STX5: variants seen among roughly 807,000 people sequenced by gnomAD.
STX5 encodes syntaxin-5.
STX5 carries 15 observed loss-of-function variants against 42.9 expected under a neutral mutation model. The ratio of observed to expected loss-of-function variants is 0.35; its 90% CI spans 0.23 to 0.54. The LOEUF is 0.54. STX5 is among the 20% of genes least tolerant of loss of function. The pLI is 0.91. For synonymous variants in STX5, 184 were observed against 173.2 expected (o/e 1.06, Z -0.49); for missense variants, 430 against 455.0 (o/e 0.95, Z 0.50).
In STX5 at chr11:62,827,382, G is replaced by A. The variant is rs2084807819; in HGVS notation, c.313C>T (p.Leu105Phe). ...TCCAGCTTGGCAAATGTGTTGCTAAGGTCTTTCCCAATGCGCCTGCAAATG... is the reference window on the plus strand; with the variant it reads ...TCCAGCTTGGCAAATGTGTTGCTAAAGTCTTTCCCAATGCGCCTGCAAATG... ...TLMAKRIGKD[L>F]SNTFAKLEKL... is the part of the protein sequence containing the mutation. The change falls in exon 4 of 11, where the codon CTT becomes TTT. Residue 105 changes from leucine to phenylalanine, a missense_variant. Coordinates refer to ENST00000294179, the MANE Select transcript of STX5 (RefSeq NM_003164.5). 6.2e-7 allele frequency: 1 copy of A among 1,614,180 alleles called. No homozygotes were observed. Among genetic ancestry groups the A allele is most frequent in the South Asian group, 1.1e-5 (1 of 91,082 alleles).
At chr11:62,822,246 C>G (rs2084747945) in intron 10 of STX5, among the ~76,000 whole-genome samples, 1 of 151,744 alleles carries the variant, frequency 6.6e-6, no homozygotes, top group Admixed American at 6.6e-5. Flanking sequence ...ACCTGTGGTC[C>G]CAGGTACTCG....
chr11:62,825,162 C>T (rs780073112), intron 7 of STX5, 45 bp from the exon 8 acceptor site: 1 of 1,612,142 alleles, frequency 6.2e-7, no homozygotes, highest in Non-Finnish European at 8.5e-7. Context: ...CACTAGAAAG[C>T]AGGCATGTTA....
intron 1 of STX5, among the ~76,000 whole-genome samples, chr11:62,831,670 G>A (rs1035714142): frequency 3.3e-5 from 5 of 152,194 alleles, no homozygotes; most frequent in African/African-American, 4.8e-5. Context: ...CACTTCGGTG[G>A]GCGGAGGGGG....
chr11:62,825,115 G>A lies in STX5; in HGVS notation c.600C>T (p.Asn200=), dbSNP rs2084780390. The change falls in exon 8 of 11, where the codon AAC becomes AAT. Residue 200 remains asparagine (N), a splice_region_variant and synonymous_variant. Transcript: ENST00000294179. ...CTCTCCGGCTCCTCTGCTGCTTCAGGTTCTGGGGTTGGGGAAAAACGCAAA... is the reference window on the plus strand; with the variant it reads ...CTCTCCGGCTCCTCTGCTGCTTCAGATTCTGGGGTTGGGGAAAAACGCAAA... ...FKSVLEVRTE[N]LKQQRSRREQ... is the part of the protein sequence containing the mutation. 1.9e-6 allele frequency: 3 copies of A among 1,612,936 alleles called. No individual in the cohort carries two copies. The South Asian group carries it at 3.3e-5, about 18-fold the overall frequency.
chr11:62,817,180 A>T (rs918301007), intron 10 of STX5, among the ~76,000 whole-genome samples: 6 of 151,962 alleles, frequency 3.9e-5, no homozygotes, highest in Non-Finnish European at 8.8e-5. Flanking sequence ...CACCTGCCTC[A>T]GCCTCCCAAA....
chr11:62,829,386 T>C (rs1269982230), intron 2 of STX5, among the ~76,000 whole-genome samples: 1 of 151,988 alleles, frequency 6.6e-6, no homozygotes, highest in East Asian at 1.9e-4. Context: ...ATCGTGCCAC[T>C]GCACTACAGC....
intron 10 of STX5, among the ~76,000 whole-genome samples, chr11:62,817,356 T>C (rs1458499069): frequency 1.3e-5 from 2 of 152,178 alleles, no homozygotes; most frequent in Non-Finnish European, 2.9e-5. Context: ...GAGGTTCTGC[T>C]TCCAGTAATG....
At chr11:62,819,685 G>A (rs1026308159) in intron 10 of STX5, among the ~76,000 whole-genome samples, 4 of 151,398 alleles carry the variant, frequency 2.6e-5, no homozygotes, top group African/African-American at 4.9e-5. Context: ...GCATCACCAC[G>A]CCCAGCTTGT....
At chr11:62,830,599 T>C in intron 2 of STX5, 1 of 463,038 alleles carries the variant, frequency 2.2e-6, no homozygotes, top group South Asian at 1.6e-5. Flanking sequence ...TCCTTAATCT[T>C]ACAGAGATAA....
At chr11:62,818,455 GGT>G (rs1432471944) in intron 10 of STX5, among the ~76,000 whole-genome samples, 2 of 149,918 alleles carry the variant, frequency 1.3e-5, no homozygotes, top group Admixed American at 6.7e-5. Flanking sequence ...CCAGCTACTC[GGT>G]AAGCTGAGGC....
chr11:62,824,416 G>C lies in STX5; in HGVS notation c.786+43C>G, dbSNP rs766721864. On this transcript the variant is annotated intron_variant, in intron 9 of 10. Transcript: ENST00000294179. ...AAACACTCTCTCGGGAACCACAGAG[G>C]ATAATGGAGAAGCTGATTCTACCTA... 19 of 1,613,420 alleles carry C rather than the reference G, an allele frequency of 1.2e-5. No homozygotes were observed. In the South Asian group the frequency reaches 1.6e-4, roughly 14 times the overall value.
In STX5 at chr11:62,825,331, C is replaced by G. The variant is rs1186157069; in HGVS notation, c.549G>C (p.Leu183=). The change falls in exon 7 of 11, where the codon CTG becomes CTC. Residue 183 remains leucine (L), a synonymous_variant. Coordinates refer to ENST00000294179, the MANE Select transcript of STX5 (RefSeq NM_003164.5). The part of the protein sequence containing the change: ...NTIVVSLQSK[L]ASMSNDFKSV... ...ATTTGAAGTCATTGGACATAGAAGC[C>G]AGTTTCGACTAGAAGAAAAGGAGAG... The G allele has an allele frequency of 6.2e-7, 1 of 1,614,178 alleles. No homozygotes were observed. Among genetic ancestry groups the G allele is most frequent in the Admixed American group, 1.7e-5 (1 of 60,028 alleles).
intron 10 of STX5, among the ~76,000 whole-genome samples, chr11:62,817,026 G>A (rs1284734191): frequency 1.3e-5 from 2 of 151,772 alleles, no homozygotes; most frequent in Admixed American, 6.6e-5. Context: ...GTGCAGTGGC[G>A]GGATCTCGGC....
chr11:62,814,450 C>T (rs1158942146), intron 10 of STX5, among the ~76,000 whole-genome samples: 2 of 135,536 alleles, frequency 1.5e-5, no homozygotes, highest in African/African-American at 5.3e-5. Context: ...TGTGAGCCAC[C>T]GCACCCGGGA....
intron 10 of STX5, among the ~76,000 whole-genome samples, chr11:62,820,539 T>TG (rs1236478708): frequency 2.3e-4 from 35 of 149,726 alleles, no homozygotes; most frequent in African/African-American, 8.1e-4. Flanking sequence ...TTTTTTGAGA[T>TG]GGAGTCTCAC....
intron 5 of STX5, 109 bp downstream of exon 5, chr11:62,827,046 C>A: frequency 1.0e-6 from 1 of 979,042 alleles, no homozygotes; most frequent in East Asian, 2.6e-5. Flanking sequence ...TGAGACCCCC[C>A]TCTCTAAAAA....
At chr11:62,827,938 A>G (rs1172000567) in intron 2 of STX5, among the ~76,000 whole-genome samples, 3 of 151,520 alleles carry the variant, frequency 2.0e-5, no homozygotes, top group African/African-American at 7.3e-5. Context: ...CTAAGGTTAA[A>G]TAACAAAAAG....
rs955527538 is a variant in STX5 at position 62,824,493 on chromosome 11, C to A, written c.752G>T (p.Arg251Leu). 1.2e-6 allele frequency: 2 copies of A among 1,614,030 alleles called. No homozygotes were observed. Among genetic ancestry groups the A allele is most frequent in the African/African-American group, 1.3e-5 (1 of 74,932 alleles). Residue 251 changes from arginine to leucine, a missense_variant, in exon 9 of 11, where the codon CGG (arginine) becomes CTG (leucine). Arg to Leu is a moderately radical substitution (Grantham distance 102). Coordinates refer to ENST00000294179, the MANE Select transcript of STX5 (RefSeq NM_003164.5). ...KDVAIDMMDS[R>L]TSQQLQLIDE... ...AATGAGCTGCAGCTGCTGGCTGGTC[C>A]GAGAGTCCATCATGTCGATGGCGAC... is the stretch of plus-strand genomic sequence containing the variant.
chr11:62,828,194 G>A (rs74869768), intron 2 of STX5, among the ~76,000 whole-genome samples: 27 of 151,762 alleles, frequency 1.8e-4, no homozygotes, highest in African/African-American at 4.8e-4. Context: ...AACTTACTGC[G>A]GCCTCGACAT....
Sources: gnomAD v4.1 joint callset for allele counts (sites outside exome capture counted in the v4.1 genomes callset) on GRCh38, gnomAD v4.1.1 for gene constraint, MANE v1.5 for transcripts, NCBI Gene and HGNC (gene_info 2026-07-23, HGNC 2026-07-21) for gene names.